ANKRD45: variants seen among roughly 807,000 people sequenced by gnomAD.
ANKRD45 encodes the protein ankyrin repeat domain 45, also known as ankyrin repeat domain-containing protein 45.
ANKRD45 carries 21 observed loss-of-function variants against 28.1 expected under a neutral mutation model. The ratio of observed to expected loss-of-function variants is 0.75; its 90% CI spans 0.53 to 1.08. ANKRD45 has a LOEUF of 1.08. Among genes scored for constraint, ANKRD45 ranks in the 50% least tolerant of loss-of-function variants. The probability of loss-of-function intolerance (pLI) is 0.00; values close to 1 mark genes in which losing one functional copy is unlikely to be tolerated. For synonymous variants in ANKRD45, 86 were observed against 103.9 expected (o/e 0.83, Z 1.05); for missense variants, 261 against 308.7 (o/e 0.85, Z 1.16).
upstream of ANKRD45, among the ~76,000 whole-genome samples, chr1:173,671,881 CAA>C (rs1174957908): frequency 3.7e-4 from 34 of 92,616 alleles, no homozygotes; most frequent in Admixed American, 2.4e-4. Flanking sequence ...GACTCCGTCT[CAA>C]AAAAAAAAAA....
the ANKRD45 span, among the ~76,000 whole-genome samples, chr1:173,713,557 C>T: frequency 2.6e-5 from 4 of 152,160 alleles, no homozygotes; most frequent in South Asian, 8.3e-4. Flanking sequence ...ATGCAACTTC[C>T]CCAATTACTC....
chr1:173,614,936 C>A (rs1273143616), intron 5 of ANKRD45, among the ~76,000 whole-genome samples: 1 of 152,046 alleles, frequency 6.6e-6, no homozygotes, highest in African/African-American at 2.4e-5. Context: ...CCTGTCTCAG[C>A]CTCCTGAGCA....
intron 2 of ANKRD45, among the ~76,000 whole-genome samples, chr1:173,647,542 T>C (rs1343002007): frequency 6.6e-6 from 1 of 152,236 alleles, no homozygotes; most frequent in Non-Finnish European, 1.5e-5. Context: ...TTAGACTTTC[T>C]CAAGTGACTA....
intron 3 of ANKRD45, among the ~76,000 whole-genome samples, chr1:173,632,302 C>T (rs1413732703): frequency 2.0e-5 from 3 of 151,726 alleles, no homozygotes; most frequent in Non-Finnish European, 2.9e-5. Flanking sequence ...AAATCCAAAA[C>T]CTGAATAAAC....
upstream of ANKRD45, among the ~76,000 whole-genome samples, chr1:173,674,612 GACA>G (rs1306966670): frequency 1.3e-5 from 2 of 152,136 alleles, no homozygotes; most frequent in East Asian, 3.9e-4. Context: ...GGAAAGGTGG[GACA>G]ACTCGAAGCA....
At position 173,659,176 on chromosome 1, in the gene ANKRD45, C is replaced by T. The variant is rs1474809556; in HGVS notation, c.243G>A (p.Leu81=). The T allele has an allele frequency of 2.5e-6, 4 of 1,614,040 alleles. No individual in the cohort carries two copies. The highest frequency in any genetic ancestry group is 3.4e-6 in the Non-Finnish European group (4 of 1,180,036). Reference sequence around the variant, plus strand: ...TTTGCCCAGCCATGCAAGCTGCATACAACAAATTTCTCCCAACGATGTCTT... The same window carrying T: ...TTTGCCCAGCCATGCAAGCTGCATATAACAAATTTCTCCCAACGATGTCTT... ...LEEDIVGRNL[L]YAACMAGQSD... is the part of the protein sequence containing the mutation. Residue 81 remains leucine, a synonymous_variant, in exon 2 of 6, where the codon TTG becomes TTA. Transcript: ENST00000333279.
At chr1:173,658,926 A>T in intron 2 of ANKRD45, 165 bp downstream of exon 2, 1 of 1,031,622 alleles carries the variant, frequency 9.7e-7, no homozygotes, top group Non-Finnish European at 1.3e-6. Flanking sequence ...TAATATCAAC[A>T]TTGATACATT....
Position 173,659,098 on chromosome 1 carries a change from G to A in ANKRD45, c.321C>T (p.Thr107=). ...AGAAAAAAGACAAAATACCTCTGGT[G>A]GTTTTTTCATTCAGATTCACACCAT... ...AKYGVNLNEK[T]TRGYTLLHCA... The change falls in exon 2 of 6, where the codon ACC becomes ACT. Residue 107 remains threonine, a synonymous_variant. Transcript: ENST00000333279. 1 of 1,613,208 alleles carries A rather than the reference G, an allele frequency of 6.2e-7. No homozygotes were observed. Among genetic ancestry groups the A allele is most frequent in the Non-Finnish European group, 8.5e-7 (1 of 1,179,524 alleles).
intron 3 of ANKRD45, among the ~76,000 whole-genome samples, chr1:173,627,949 C>T (rs1190067563): frequency 6.7e-6 from 1 of 149,640 alleles, no homozygotes; most frequent in African/African-American, 2.5e-5. Flanking sequence ...CACAGTAGAA[C>T]ACGGCACCAA....
chr1:173,673,656 G>A (rs546452144), upstream of ANKRD45, among the ~76,000 whole-genome samples: 2 of 149,054 alleles, frequency 1.3e-5, no homozygotes, highest in African/African-American at 2.6e-5. Flanking sequence ...CGACACTTCA[G>A]AAGGTTGAGT....
chr1:173,657,793 T>TA (rs1669611667), intron 2 of ANKRD45: 1 of 151,736 alleles, frequency 6.6e-6, no homozygotes, highest in Non-Finnish European at 1.5e-5. Context: ...TCAATGTCAT[T>TA]AATTTATTCA....
intron 1 of ANKRD45, among the ~76,000 whole-genome samples, chr1:173,665,142 T>A (rs1669953532): frequency 6.6e-6 from 1 of 152,192 alleles, no homozygotes; most frequent in Admixed American, 6.5e-5. Context: ...ATGGTAATGC[T>A]ACTTATTTTC....
rs533314151 is a variant in ANKRD45, at chr1:173,622,695, A to G, written c.730+2092T>C. Among the ~76,000 whole-genome samples, 17 of 152,350 alleles carry G rather than the reference A, an allele frequency of 1.1e-4. 1 individual carries two copies. The highest frequency in any genetic ancestry group is 7.7e-4 in the East Asian group (4 of 5,194). ...AGACTTAAATGTAAAACCCAAAACT[A>G]TAAAAACCCTAGAAGAAAATCAAGG... On this transcript the variant is annotated intron_variant, in intron 5 of 5. Transcript: ENST00000333279.
chr1:173,628,541 C>T (rs1239368109), intron 3 of ANKRD45, among the ~76,000 whole-genome samples: 1 of 152,072 alleles, frequency 6.6e-6, no homozygotes. Context: ...GGAGAGACTA[C>T]TCTGTTAGAA....
At chr1:173,629,849 A>G (rs1337302371) in intron 3 of ANKRD45, among the ~76,000 whole-genome samples, 1 of 152,196 alleles carries the variant, frequency 6.6e-6, no homozygotes, top group Non-Finnish European at 1.5e-5. Flanking sequence ...AGCCCAAAGA[A>G]GACTACCTCA....
At chr1:173,682,438 A>G in the ANKRD45 span, among the ~76,000 whole-genome samples, 1 of 152,158 alleles carries the variant, frequency 6.6e-6, no homozygotes, top group Non-Finnish European at 1.5e-5. Context: ...TTGGAGTTCC[A>G]TAAGGAAAAA....
chr1:173,635,714 G>A (rs952796813), intron 3 of ANKRD45: 4 of 1,535,498 alleles, frequency 2.6e-6, no homozygotes, highest in Non-Finnish European at 3.5e-6. Context: ...ACTATGCTGC[G>A]ACTTTGCTAA....
In ANKRD45 at chr1:173,611,398, T is replaced by A. The variant is rs199615768; in HGVS notation, c.731-1183A>T. 1.3e-4 allele frequency among the ~76,000 whole-genome samples: 20 copies of A among 152,288 alleles called. 1 individual carries two copies. In the East Asian group the frequency reaches 3.1e-3, roughly 23 times the overall value. ...CTATGTGTGTGCTCAACAGATCATA[T>A]GATTCATGTTAGTTCTAGATGGCAA... is the stretch of plus-strand genomic sequence containing the variant. On this transcript the variant is annotated intron_variant, in intron 5 of 5. Coordinates refer to ENST00000333279, the MANE Select transcript of ANKRD45 (RefSeq NM_198493.3).
intron 5 of ANKRD45, among the ~76,000 whole-genome samples, chr1:173,618,199 A>C (rs1425224703): frequency 6.6e-6 from 1 of 152,258 alleles, no homozygotes; most frequent in Non-Finnish European, 1.5e-5. Flanking sequence ...GAAAGAATCA[A>C]TGCAAAAATG....
Sources: allele counts gnomAD v4.1 joint callset (sites outside exome capture counted in the v4.1 genomes callset), GRCh38; gene constraint gnomAD v4.1.1; transcripts MANE v1.5; gene names NCBI Gene and HGNC (gene_info 2026-07-23, HGNC 2026-07-21).